The following RMST variants were observed in gnomAD, a reference collection of about 807,000 sequenced individuals.
RMST encodes rhabdomyosarcoma 2 associated transcript, also known as long intergenic non-protein coding RNA 54.
chr12:97,499,653 C>CTT (rs1877856540), intron 10 of RMST, among the ~76,000 whole-genome samples: 1 of 125,650 alleles, frequency 8.0e-6, no homozygotes, highest in Non-Finnish European at 1.6e-5. Flanking sequence ...TTTCTTTTTT[C>CTT]TTTCTTTTTT....
chr12:97,505,664 A>C (rs1878587072), intron 10 of RMST, among the ~76,000 whole-genome samples: 2 of 152,248 alleles, frequency 1.3e-5, no homozygotes, highest in Non-Finnish European at 2.9e-5. Flanking sequence ...GATGGTACAC[A>C]GGTGGCTTCT....
chr12:97,552,253 G>A (rs999943252), intron 11 of RMST: 8 of 152,100 alleles, frequency 5.3e-5, no homozygotes, highest in African/African-American at 1.9e-4. Context: ...CCAGCTTGAT[G>A]TTTTCTTCCA....
At chr12:97,533,326 T>C (rs1352395951) in intron 11 of RMST, 2 of 151,826 alleles carry the variant, frequency 1.3e-5, no homozygotes, top group Non-Finnish European at 2.9e-5. Flanking sequence ...ACCACCGAAA[T>C]TGCATATCAT....
chr12:97,564,142 T>C, intron 13 of RMST: 1 of 306,762 alleles, frequency 3.3e-6, no homozygotes, highest in South Asian at 3.0e-5. Flanking sequence ...CTCCGTTTTC[T>C]ATTAAAGAAC....
intron 5 of RMST, among the ~76,000 whole-genome samples, chr12:97,475,250 G>A (rs1287520433): frequency 1.3e-5 from 2 of 152,166 alleles, no homozygotes; most frequent in Non-Finnish European, 2.9e-5. Flanking sequence ...CCTGTGATTT[G>A]AGGGCATTGG....
intron 11 of RMST, among the ~76,000 whole-genome samples, chr12:97,545,389 T>A (rs1429118340): frequency 2.0e-5 from 3 of 151,926 alleles, no homozygotes; most frequent in Non-Finnish European, 4.4e-5. Flanking sequence ...AGATTAAGAG[T>A]CTGACTCTTA....
intron 10 of RMST, among the ~76,000 whole-genome samples, chr12:97,501,241 G>C (rs887726037): frequency 1.1e-4 from 17 of 152,164 alleles, no homozygotes; most frequent in African/African-American, 3.9e-4. Flanking sequence ...GTAGGAAATA[G>C]ACTAAAACAC....
chr12:97,479,020 G>A (rs1874890354), intron 5 of RMST, among the ~76,000 whole-genome samples: 1 of 151,592 alleles, frequency 6.6e-6, no homozygotes, highest in Non-Finnish European at 1.5e-5. Flanking sequence ...TGTCCCAAAT[G>A]CCCTCTCCCT....
At chr12:97,469,837 G>T (rs923742377) in intron 5 of RMST, among the ~76,000 whole-genome samples, 1 of 152,026 alleles carries the variant, frequency 6.6e-6, no homozygotes, top group Non-Finnish European at 1.5e-5. Flanking sequence ...CTACCTTGAG[G>T]CTTTTATTAT....
intron 10 of RMST, among the ~76,000 whole-genome samples, chr12:97,499,630 T>C (rs141962465): frequency 0.012 from 1,783 of 150,552 alleles, 27 homozygotes; most frequent in African/African-American, 0.041. Flanking sequence ...TTTTCTTTTT[T>C]TTTCTTTTTC....
chr12:97,562,964 G>A (rs547967748), intron 13 of RMST, among the ~76,000 whole-genome samples: 14 of 152,248 alleles, frequency 9.2e-5, no homozygotes, highest in African/African-American at 2.6e-4. Context: ...ATGCTGTTTC[G>A]GGAGTTGGTA....
chr12:97,520,540 CAAAT>C (rs1880407704), intron 10 of RMST, among the ~76,000 whole-genome samples: 2 of 152,018 alleles, frequency 1.3e-5, no homozygotes, highest in Admixed American at 6.6e-5. Flanking sequence ...ATTATACAAA[CAAAT>C]AAAAATTGCC....
At chr12:97,536,481 A>G (rs1179455118) in intron 11 of RMST, among the ~76,000 whole-genome samples, 4 of 151,472 alleles carry the variant, frequency 2.6e-5, no homozygotes, top group Admixed American at 1.3e-4. Context: ...TTTGGTTTGT[A>G]AACTCTCTGA....
At chr12:97,464,030 C>T (rs1051968805) in intron 4 of RMST, among the ~76,000 whole-genome samples, 5 of 151,778 alleles carry the variant, frequency 3.3e-5, no homozygotes, top group Admixed American at 6.6e-5. Flanking sequence ...ATGAGTCGCA[C>T]GCTAAAAAGA....
chr12:97,508,401 A>G (rs188386903), intron 10 of RMST, among the ~76,000 whole-genome samples: 1 of 152,328 alleles, frequency 6.6e-6, no homozygotes, highest in East Asian at 1.9e-4. Flanking sequence ...TAGAGGAAAG[A>G]AGCTAAGCAT....
intron 5 of RMST, among the ~76,000 whole-genome samples, chr12:97,482,725 T>TAA (rs368610399): frequency 1.6e-5 from 1 of 61,676 alleles, no homozygotes; most frequent in Admixed American, 1.6e-4. Flanking sequence ...TATTTATTTA[T>TAA]TAAATAAATT....
chr12:97,511,859 C>T (rs1879338825), intron 10 of RMST, among the ~76,000 whole-genome samples: 1 of 152,220 alleles, frequency 6.6e-6, no homozygotes, highest in South Asian at 2.1e-4. Flanking sequence ...ACCTTTTATA[C>T]ATACACCTTC....
chr12:97,507,894 T>C (rs931111597), intron 10 of RMST, among the ~76,000 whole-genome samples: 1 of 151,940 alleles, frequency 6.6e-6, no homozygotes, highest in Non-Finnish European at 1.5e-5. Context: ...AAAGAAAGTA[T>C]AGAATGGAAG....
At chr12:97,515,822 T>C (rs11109085) in intron 10 of RMST, among the ~76,000 whole-genome samples, 19,572 of 151,978 alleles carry the variant, frequency 0.13, 2,064 homozygotes, top group African/African-American at 0.27. Context: ...TGAAAATATA[T>C]GTTTATGTAT....
Sources: gnomAD v4.1 joint callset for allele counts (sites outside exome capture counted in the v4.1 genomes callset) on GRCh38, gnomAD v4.1.1 for gene constraint, MANE v1.5 for transcripts, NCBI Gene and HGNC (gene_info 2026-07-23, HGNC 2026-07-21) for gene names.